The following WIPF1 variants were observed in gnomAD, a reference collection of about 807,000 sequenced individuals.
The protein encoded by WIPF1 is WAS/WASL interacting protein family member 1, also known as WAS/WASL-interacting protein family member 1.
WIPF1 carries 13 observed loss-of-function variants against 35.4 expected under a neutral mutation model. The ratio of observed to expected loss-of-function variants is 0.37; its 90% CI spans 0.24 to 0.58. The LOEUF (loss-of-function observed/expected upper bound fraction) is 0.58, where lower values mean the gene tolerates loss of function less well. WIPF1 is among the 20% of genes least tolerant of loss of function. The pLI, the probability that WIPF1 is intolerant of heterozygous loss-of-function variation, is 0.74. For missense variants in WIPF1, 591 were observed against 667.0 expected (o/e 0.89, Z 1.25); for synonymous variants, 267 against 266.3 (o/e 1.00, Z -0.02).
At chr2:174,607,411 T>A (rs976887415) in intron 1 of WIPF1, among the ~76,000 whole-genome samples, 17 of 151,720 alleles carry the variant, frequency 1.1e-4, no homozygotes, top group Admixed American at 1.1e-3. Flanking sequence ...TCAAAAAAAA[T>A]AAAATAAAAT....
rs1685534067 is a variant in WIPF1, at chr2:174,589,384, G to A, written c.-38-3773C>T. On this transcript the variant is annotated intron_variant, in intron 1 of 7. Coordinates refer to ENST00000679041, the MANE Select transcript of WIPF1 (RefSeq NM_001375834.1). Reference sequence around the variant, plus strand: ...AATCAGCCCTATTTCAGAGGGGCTTGCTAGTGTTGCAGACTGGAACTTACT... The same window carrying A: ...AATCAGCCCTATTTCAGAGGGGCTTACTAGTGTTGCAGACTGGAACTTACT... Among the ~76,000 whole-genome samples the A allele has an allele frequency of 1.3e-5, 2 of 152,236 alleles. 1 individual carries two copies. Among genetic ancestry groups the A allele is most frequent in the South Asian group, 4.1e-4 (2 of 4,836 alleles).
chr2:174,655,605 T>G (rs1687623541), intron 1 of WIPF1: 1 of 152,276 alleles, frequency 6.6e-6, no homozygotes, highest in African/African-American at 2.4e-5. Flanking sequence ...TCTCTTGGCC[T>G]AGGAGCATGT....
At position 174,575,033 on chromosome 2, in the gene WIPF1, TTAA is replaced by T. The variant is rs201974030; in HGVS notation, c.358+168_358+170del. On this transcript the variant is annotated intron_variant, in intron 4 of 7. Coordinates refer to ENST00000679041, the MANE Select transcript of WIPF1 (RefSeq NM_001375834.1). ...GTTCTGTGTAGCTGTCTGATCCTGG[TTAA>T]TAATAATAATAAAGCCTAAATTGAG... 1,343 of 878,328 alleles carry T rather than the reference TTAA, an allele frequency of 1.5e-3. 13 individuals are homozygous for T. The African/African-American group carries it at 0.02, about 13-fold the overall frequency. The allele number at this position is 878,328 out of a possible 1,614,324, so 54.4% of individuals were successfully genotyped here. A position where few individuals can be genotyped will look rare whatever the true frequency, so the allele number is the denominator to read the frequency against.
At chr2:174,624,586 T>C (rs998283178) in intron 1 of WIPF1, among the ~76,000 whole-genome samples, 3 of 152,102 alleles carry the variant, frequency 2.0e-5, no homozygotes, top group East Asian at 3.9e-4. Context: ...TGGGTGGAAA[T>C]TGGGTGATAT....
chr2:174,637,511 A>C (rs904364510), intron 1 of WIPF1, among the ~76,000 whole-genome samples: 3 of 152,154 alleles, frequency 2.0e-5, no homozygotes, highest in Non-Finnish European at 4.4e-5. Context: ...AAACACCATA[A>C]TTCCAGTGGC....
chr2:174,652,127 T>C (rs1032951384), intron 1 of WIPF1, among the ~76,000 whole-genome samples: 1 of 152,194 alleles, frequency 6.6e-6, no homozygotes, highest in African/African-American at 2.4e-5. Flanking sequence ...CCTTGGAAGT[T>C]ACACAGGGTC....
At chr2:174,682,727 C>T (rs1197625361) in intron 1 of WIPF1, 1 of 151,740 alleles carries the variant, frequency 6.6e-6, no homozygotes, top group Non-Finnish European at 1.5e-5. Flanking sequence ...CCCCCGGCCC[C>T]CGGGAGCCCG....
chr2:174,585,548 G>A lies in WIPF1; in HGVS notation c.26C>T (p.Pro9Leu), dbSNP rs766473130. 6.8e-6 allele frequency: 11 copies of A among 1,611,962 alleles called. No homozygotes were observed. The highest frequency in any genetic ancestry group is 8.5e-6 in the Non-Finnish European group (10 of 1,179,258). ...CAGTGCAAACGTCGGGGGCGGCGGG[G>A]GTGCTGGAGGGGGAGGGACAGGCAT... MPVPPPPA[P>L]PPPPTFALAN... The change falls in exon 2 of 8, where the codon CCC becomes CTC. Residue 9 changes from proline to leucine, a missense_variant. By Grantham distance (98) the Pro-to-Leu change is moderately conservative. This residue lies in a region of WIPF1 where 471 missense variants were observed against 501.1 expected (regional missense o/e 0.94). Transcript: ENST00000679041.
At chr2:174,577,822 G>GGTGGGAGGATCCCTTGAGC (rs1685108509) in intron 3 of WIPF1, among the ~76,000 whole-genome samples, 2 of 152,034 alleles carry the variant, frequency 1.3e-5, no homozygotes, top group African/African-American at 4.8e-5. Flanking sequence ...GGGAGGCTGA[G>GGTGGGAGGATCCCTTGAGC]GTGGGAGGAT....
intron 1 of WIPF1, among the ~76,000 whole-genome samples, chr2:174,621,593 T>C (rs374974084): frequency 3.3e-4 from 50 of 152,014 alleles, no homozygotes; most frequent in Non-Finnish European, 5.2e-4. Flanking sequence ...GCAAGCCCCA[T>C]GCATATTTTG....
At chr2:174,619,373 GGAC>G (rs1250507575) in intron 1 of WIPF1, among the ~76,000 whole-genome samples, 2 of 152,046 alleles carry the variant, frequency 1.3e-5, no homozygotes, top group Non-Finnish European at 2.9e-5. Flanking sequence ...GAGTCCAGGA[GGAC>G]GACGTTGCAG....
rs557109379 is a variant in WIPF1, at chr2:174,578,724, G to A, written c.181+2586C>T. Among the ~76,000 whole-genome samples the A allele has an allele frequency of 1.8e-3, 269 of 152,252 alleles. 1 individual carries two copies. Among genetic ancestry groups the A allele is most frequent in the Non-Finnish European group, 3.1e-3 (211 of 68,018 alleles). ...GTTCTGTATCTTTTCTAGATGTGGA[G>A]CTTTCTGAGATGCTTATGGTAGCTC... is the stretch of plus-strand genomic sequence containing the variant. On this transcript the variant is annotated intron_variant, in intron 3 of 7. Coordinates refer to ENST00000679041, the MANE Select transcript of WIPF1 (RefSeq NM_001375834.1).
At chr2:174,585,350 T>G (rs760830625) in intron 2 of WIPF1, among the ~76,000 whole-genome samples, 173 bp downstream of exon 2, 1 of 152,234 alleles carries the variant, frequency 6.6e-6, no homozygotes, top group Non-Finnish European at 1.5e-5. Flanking sequence ...ACCCTTCGTG[T>G]TGTTTGTATT....
chr2:174,669,310 G>A (rs1363730790), intron 1 of WIPF1, among the ~76,000 whole-genome samples: 1 of 152,128 alleles, frequency 6.6e-6, no homozygotes, highest in Non-Finnish European at 1.5e-5. Context: ...TAATTCCATT[G>A]GCCTCCAATA....
At chr2:174,644,786 G>T (rs1175691790) in intron 1 of WIPF1, among the ~76,000 whole-genome samples, 1 of 152,196 alleles carries the variant, frequency 6.6e-6, no homozygotes, top group Non-Finnish European at 1.5e-5. Context: ...CTGCTGAATG[G>T]CTAGAATTCT....
chr2:174,678,076 A>AAGGGAAAG (rs1299915263), intron 1 of WIPF1, among the ~76,000 whole-genome samples: 2 of 152,222 alleles, frequency 1.3e-5, no homozygotes, highest in Non-Finnish European at 2.9e-5. Context: ...ATGTTACAGA[A>AAGGGAAAG]AGGGAAAGAG....
chr2:174,607,588 C>T (rs1468730319), intron 1 of WIPF1, among the ~76,000 whole-genome samples: 1 of 151,710 alleles, frequency 6.6e-6, no homozygotes, highest in Admixed American at 6.6e-5. Context: ...GCAAGGTCCT[C>T]GAGGATTTGA....
At chr2:174,680,732 C>A (rs979888417) in intron 1 of WIPF1, among the ~76,000 whole-genome samples, 3 of 152,132 alleles carry the variant, frequency 2.0e-5, no homozygotes, top group African/African-American at 7.2e-5. Context: ...AAGGTCAGGG[C>A]ATACTACCCT....
rs550145267 is a variant in WIPF1, at chr2:174,628,166, C to A, written c.-38-42555G>T. ...CGGAATCTACAAAAAAATGCCATTTCTTTCCAGTGACCATGTCCATTGTCC... is the reference window on the plus strand; with the variant it reads ...CGGAATCTACAAAAAAATGCCATTTATTTCCAGTGACCATGTCCATTGTCC... On this transcript the variant is annotated intron_variant, in intron 1 of 8. Transcript: ENST00000272746. Among the ~76,000 whole-genome samples the A allele has an allele frequency of 4.3e-4, 65 of 152,280 alleles. 1 individual carries two copies. The highest frequency in any genetic ancestry group is 1.5e-3 in the African/African-American group (62 of 41,550).
Sources: allele counts gnomAD v4.1 joint callset (sites outside exome capture counted in the v4.1 genomes callset), GRCh38; gene constraint gnomAD v4.1.1; regional missense constraint gnomAD v4.1.1; transcripts MANE v1.5; gene names NCBI Gene and HGNC (gene_info 2026-07-23, HGNC 2026-07-21).